The following KIFAP3 variants were observed in gnomAD, a reference collection of about 807,000 sequenced individuals.
KIFAP3 encodes the protein kinesin-associated protein 3.
KIFAP3 carries 68 observed loss-of-function variants against 106.5 expected under a neutral mutation model. The ratio of observed to expected loss-of-function variants is 0.64; its 90% CI spans 0.53 to 0.78. The LOEUF is 0.78. Among genes scored for constraint, KIFAP3 ranks in the 30% least tolerant of loss-of-function variants. KIFAP3 has a pLI of 0.00. For missense variants in KIFAP3, 780 were observed against 941.8 expected, an observed-to-expected ratio of 0.83 and a Z score of 2.25; for synonymous variants, 320 against 311.5, an observed-to-expected ratio of 1.03 and a Z score of -0.29.
chr1:170,013,171 A>G (rs1668328306), intron 10 of KIFAP3, among the ~76,000 whole-genome samples: 2 of 152,098 alleles, frequency 1.3e-5, no homozygotes, highest in South Asian at 4.1e-4. Context: ...TGAACTTTAC[A>G]GCTTCCAGAA....
intron 19 of KIFAP3, among the ~76,000 whole-genome samples, chr1:169,926,690 C>T (rs201844200): frequency 0.15 from 23,228 of 151,794 alleles, 1,863 homozygotes; most frequent in Middle Eastern, 0.2. Context: ...TGTACACACA[C>T]ACACACACAC....
intron 12 of KIFAP3, 51 bp from the exon 13 acceptor site, chr1:169,983,433 AT>A: frequency 1.5e-6 from 2 of 1,300,400 alleles, no homozygotes; most frequent in Non-Finnish European, 2.2e-6. Flanking sequence ...AAGTTTAATA[AT>A]TTTTTGTTTA....
At chr1:170,015,164 T>G (rs981028892) in intron 10 of KIFAP3, among the ~76,000 whole-genome samples, 2 of 152,210 alleles carry the variant, frequency 1.3e-5, no homozygotes, top group African/African-American at 4.8e-5. Flanking sequence ...CTCTTTTAAA[T>G]CATACATTTT....
chr1:170,021,941 C>CTTTTCTTTTT (rs1668855539), intron 9 of KIFAP3, among the ~76,000 whole-genome samples: 1 of 77,884 alleles, frequency 1.3e-5, no homozygotes, highest in African/African-American at 4.8e-5. Context: ...TCTTTTCTTT[C>CTTTTCTTTTT]TTTTTTTTTT....
chr1:170,062,890 T>TA (rs796507313), intron 1 of KIFAP3, among the ~76,000 whole-genome samples: 13 of 152,156 alleles, frequency 8.5e-5, no homozygotes, highest in African/African-American at 2.7e-4. Context: ...CTTTTTTTTT[T>TA]AATCACTGGT....
chr1:170,018,517 A>G (rs1340839015), intron 9 of KIFAP3, among the ~76,000 whole-genome samples: 2 of 150,480 alleles, frequency 1.3e-5, no homozygotes, highest in Non-Finnish European at 3.0e-5. Flanking sequence ...AAGAAATTTG[A>G]AAAAAATTTA....
intron 8 of KIFAP3, among the ~76,000 whole-genome samples, chr1:170,025,609 T>C (rs1669062019): frequency 6.6e-6 from 1 of 152,194 alleles, no homozygotes; most frequent in Admixed American, 6.5e-5. Context: ...GTTTAAATTC[T>C]AAAACAGTTT....
intron 15 of KIFAP3, among the ~76,000 whole-genome samples, chr1:169,981,515 TTC>T (rs768101047): frequency 1.4e-4 from 21 of 152,336 alleles, no homozygotes; most frequent in East Asian, 1.9e-4. Flanking sequence ...GTTATAATTT[TTC>T]TGTTTTATTA....
intron 2 of KIFAP3, among the ~76,000 whole-genome samples, chr1:170,054,816 G>A (rs1280119200): frequency 6.6e-6 from 1 of 152,028 alleles, no homozygotes; most frequent in East Asian, 1.9e-4. Flanking sequence ...TCAGGGGGTG[G>A]GGGACAAGGG....
chr1:170,069,589 A>G (rs779269218), intron 1 of KIFAP3, among the ~76,000 whole-genome samples: 4 of 152,188 alleles, frequency 2.6e-5, no homozygotes, highest in Non-Finnish European at 5.9e-5. Context: ...TCGATGCAGA[A>G]AAAAGCATCT....
rs551293395 is a variant in KIFAP3 at position 169,991,926 on chromosome 1, T to C, written c.1284+229A>G. 2.6e-5 allele frequency among the ~76,000 whole-genome samples: 4 copies of C among 152,174 alleles called. No individual in the cohort carries two copies. The South Asian group carries it at 8.3e-4, about 32-fold the overall frequency. ...ATCTCAATATATTATTTTTTAAGTA[T>C]GTAGAGAGAAGTGTACCAAAGTGTT... On this transcript the variant is annotated intron_variant, in intron 11 of 19. Coordinates refer to ENST00000361580, the MANE Select transcript of KIFAP3 (RefSeq NM_014970.4).
intron 19 of KIFAP3, 114 bp downstream of exon 19, chr1:169,953,897 A>G: frequency 1.4e-6 from 1 of 726,924 alleles, no homozygotes; most frequent in East Asian, 2.5e-5. Flanking sequence ...GAAAAGATTG[A>G]GGGTTTTTTC....
chr1:170,067,628 T>A (rs1671508439), intron 1 of KIFAP3: 1 of 152,236 alleles, frequency 6.6e-6, no homozygotes, highest in Non-Finnish European at 1.5e-5. Context: ...TTTGTCTGAT[T>A]GTTTTGCAAC....
At chr1:170,079,107 G>C (rs1158185547), upstream of KIFAP3, among the ~76,000 whole-genome samples, 1 of 152,176 alleles carries the variant, frequency 6.6e-6, no homozygotes, top group Non-Finnish European at 1.5e-5. Context: ...GGAGATGTTT[G>C]GGTGATGCAG....
chr1:170,077,885 G>GTT (rs80179703), upstream of KIFAP3, among the ~76,000 whole-genome samples: 3 of 144,652 alleles, frequency 2.1e-5, no homozygotes, highest in South Asian at 2.2e-4. Flanking sequence ...TTTCGGTCCT[G>GTT]TTTTTTTTTT....
At chr1:170,062,041 A>G (rs940616219) in intron 1 of KIFAP3, among the ~76,000 whole-genome samples, 4 of 152,126 alleles carry the variant, frequency 2.6e-5, no homozygotes, top group Non-Finnish European at 5.9e-5. Context: ...GAGGGATAGC[A>G]TTAGGAGATA....
At chr1:169,990,017 A>G (rs756577914) in intron 11 of KIFAP3, 64 of 1,554,592 alleles carry the variant, frequency 4.1e-5, no homozygotes, top group Non-Finnish European at 5.2e-5. Flanking sequence ...ATATTCTTCT[A>G]ACAAAATTAT....
At chr1:169,936,697 T>C (rs1057355361) in intron 19 of KIFAP3, among the ~76,000 whole-genome samples, 4 of 151,656 alleles carry the variant, frequency 2.6e-5, no homozygotes, top group Non-Finnish European at 5.9e-5. Flanking sequence ...TGTGTTTTTG[T>C]ACTAGAAGTA....
chr1:170,020,634 G>C (rs1196520234), intron 9 of KIFAP3, among the ~76,000 whole-genome samples: 1 of 152,012 alleles, frequency 6.6e-6, no homozygotes, highest in East Asian at 1.9e-4. Flanking sequence ...TTTTTTAGTA[G>C]AGATGGGGTT....
Sources: allele counts gnomAD v4.1 joint callset (sites outside exome capture counted in the v4.1 genomes callset), GRCh38; gene constraint gnomAD v4.1.1; transcripts MANE v1.5; gene names NCBI Gene and HGNC (gene_info 2026-07-23, HGNC 2026-07-21).